NBEA: variants seen among roughly 807,000 people sequenced by gnomAD.
NBEA encodes neurobeachin.
Under a neutral mutation model 343.4 loss-of-function variants are expected in NBEA, and 44 were observed. The ratio of observed to expected loss-of-function variants is 0.13; its 90% CI spans 0.10 to 0.16. The LOEUF (loss-of-function observed/expected upper bound fraction) is 0.16, where lower values mean the gene tolerates loss of function less well. Ranked by LOEUF, NBEA falls within the 10% of genes least tolerant of loss-of-function variation. The probability of loss-of-function intolerance (pLI) is 1.00; values close to 1 mark genes in which losing one functional copy is unlikely to be tolerated. For synonymous variants in NBEA, 1,175 were observed against 1,238.7 expected (o/e 0.95, Z 1.08); for missense variants, 2,555 against 3,631.3 (o/e 0.70, Z 7.62).
chr13:35,062,575 G>A (rs1372338250), intron 8 of NBEA, among the ~76,000 whole-genome samples: 1 of 151,682 alleles, frequency 6.6e-6, no homozygotes, highest in African/African-American at 2.4e-5. Context: ...AAAATAAAGA[G>A]AAAATCTTGA....
intron 40 of NBEA, among the ~76,000 whole-genome samples, chr13:35,467,022 C>T (rs572246609): frequency 3.0e-3 from 451 of 152,202 alleles, no homozygotes; most frequent in Non-Finnish European, 5.1e-3. Flanking sequence ...TACACAAATA[C>T]CTCCATTTTT....
chr13:35,094,916 G>C (rs1286519045), intron 10 of NBEA, among the ~76,000 whole-genome samples: 2 of 151,790 alleles, frequency 1.3e-5, no homozygotes, highest in Non-Finnish European at 2.9e-5. Flanking sequence ...AAAAGGGGTG[G>C]AGGTATTGGA....
chr13:35,649,584 C>G, intron 51 of NBEA, 71 bp from the exon 52 acceptor site: 3 of 1,298,996 alleles, frequency 2.3e-6, no homozygotes, highest in Non-Finnish European at 3.3e-6. Flanking sequence ...TAACCTCATT[C>G]TCCCTAGACC....
rs569638522 is a variant in NBEA, at chr13:35,481,017, A to C, written c.6585+8481A>C. Among the ~76,000 whole-genome samples the C allele has an allele frequency of 2.6e-5, 4 of 152,102 alleles. No homozygotes were observed. In the East Asian group the frequency reaches 7.7e-4, roughly 29 times the overall value. On this transcript the variant is annotated intron_variant, in intron 41 of 58. Coordinates refer to ENST00000379939, the MANE Select transcript of NBEA (RefSeq NM_001385012.1). ...ATTGAGGTCACTGTTTGCACAATTT[A>C]GACCCTATTTTATTTCTTCAACTAG...
At chr13:35,476,746 G>A in intron 41 of NBEA, 3 of 1,060,538 alleles carry the variant, frequency 2.8e-6, no homozygotes, top group Non-Finnish European at 1.2e-6. Flanking sequence ...CAGGCGGGCG[G>A]CCAATCGCCA....
At chr13:35,215,352 TGTC>T (rs1397723602) in intron 33 of NBEA, among the ~76,000 whole-genome samples, 1 of 151,720 alleles carries the variant, frequency 6.6e-6, no homozygotes, top group Non-Finnish European at 1.5e-5. Flanking sequence ...CTTATTTTTA[TGTC>T]TTTTTAAATT....
At chr13:35,550,894 G>T in intron 42 of NBEA, 36 bp from the exon 43 acceptor site, 1 of 1,364,286 alleles carries the variant, frequency 7.3e-7, no homozygotes. Context: ...TTATCCTGCG[G>T]TTTTCTAAAC....
chr13:35,264,401 C>A (rs894040133), intron 34 of NBEA, among the ~76,000 whole-genome samples: 1 of 151,788 alleles, frequency 6.6e-6, no homozygotes, highest in African/African-American at 2.4e-5. Flanking sequence ...ACACATATTA[C>A]AAACCCAGCA....
intron 35 of NBEA, among the ~76,000 whole-genome samples, chr13:35,304,719 T>C (rs1374979049): frequency 1.3e-5 from 2 of 152,278 alleles, no homozygotes; most frequent in East Asian, 1.9e-4. Context: ...CTCTTTATGG[T>C]TCTGTAAAAC....
chr13:35,343,163 A>G (rs565109914), intron 36 of NBEA, among the ~76,000 whole-genome samples: 87 of 152,248 alleles, frequency 5.7e-4, no homozygotes, highest in Admixed American at 1.6e-3. Context: ...ACTAAGTTGT[A>G]TGGGTAGGAA....
intron 38 of NBEA, among the ~76,000 whole-genome samples, chr13:35,382,972 A>T (rs543687853): frequency 8.8e-4 from 134 of 152,292 alleles, no homozygotes; most frequent in African/African-American, 3.1e-3. Context: ...GTCTTTATAT[A>T]ACCTTTAGAC....
chr13:35,137,703 A>G (rs565777025), intron 17 of NBEA, among the ~76,000 whole-genome samples: 112 of 151,980 alleles, frequency 7.4e-4, no homozygotes, highest in African/African-American at 2.5e-3. Context: ...TTATTGTGTT[A>G]CTTTTGGGTA....
intron 45 of NBEA, among the ~76,000 whole-genome samples, chr13:35,579,074 G>C (rs547171761): frequency 1.3e-5 from 2 of 152,034 alleles, no homozygotes; most frequent in Admixed American, 1.3e-4. Flanking sequence ...TTTGGATTAG[G>C]GATGCTCAAC....
At chr13:35,550,016 T>G (rs1308624191) in intron 41 of NBEA, among the ~76,000 whole-genome samples, 1 of 152,176 alleles carries the variant, frequency 6.6e-6, no homozygotes, top group Non-Finnish European at 1.5e-5. Context: ...CTAAATATAT[T>G]TACTCTCTGG....
At chr13:35,017,718 T>A (rs1057251974) in intron 1 of NBEA, among the ~76,000 whole-genome samples, 5 of 152,192 alleles carry the variant, frequency 3.3e-5, no homozygotes, top group Admixed American at 6.5e-5. Context: ...ATCAGATATA[T>A]AATTTGCAAA....
chr13:34,980,735 A>G (rs1030807653), intron 1 of NBEA, among the ~76,000 whole-genome samples: 2 of 152,158 alleles, frequency 1.3e-5, no homozygotes, highest in African/African-American at 2.4e-5. Context: ...TACAATTAAG[A>G]TGTTAGCTAT....
chr13:35,377,187 C>T (rs1329882926), intron 38 of NBEA, among the ~76,000 whole-genome samples: 1 of 152,098 alleles, frequency 6.6e-6, no homozygotes, highest in African/African-American at 2.4e-5. Context: ...GAGTAAGCTA[C>T]AGTGGTGGCA....
intron 41 of NBEA, 78 bp from the exon 42 acceptor site, chr13:35,550,397 CTT>C: frequency 1.3e-6 from 1 of 767,282 alleles, no homozygotes; most frequent in South Asian, 2.2e-5. Context: ...AGTTTTCTGA[CTT>C]TTACTAAGTT....
chr13:35,622,018 A>G (rs1016834183), intron 48 of NBEA, among the ~76,000 whole-genome samples: 1 of 152,242 alleles, frequency 6.6e-6, no homozygotes, highest in Non-Finnish European at 1.5e-5. Context: ...TCTATTAAGT[A>G]ACAAGAGGAT....
Sources: allele counts gnomAD v4.1 joint callset (sites outside exome capture counted in the v4.1 genomes callset), GRCh38; gene constraint gnomAD v4.1.1; transcripts MANE v1.5; gene names NCBI Gene and HGNC (gene_info 2026-07-23, HGNC 2026-07-21).